Variants in RABGAP1L observed in about 807,000 individuals in gnomAD.
The protein encoded by RABGAP1L is RAB GTPase activating protein 1 like.
In RABGAP1L, 63 loss-of-function variants were observed where a neutral mutation model predicts 137.7. The ratio of observed to expected loss-of-function variants is 0.46; its 90% confidence interval spans 0.37 to 0.56. RABGAP1L has a LOEUF of 0.56. Among genes scored for constraint, RABGAP1L ranks in the 20% least tolerant of loss-of-function variants. The pLI is 0.00. For synonymous variants in RABGAP1L, 431 were observed against 433.7 expected, an observed-to-expected ratio of 0.99 and a Z score of 0.08; for missense variants, 1,095 against 1,244.0, an observed-to-expected ratio of 0.88 and a Z score of 1.80.
At chr1:174,600,032 A>G (rs1670293620) in intron 13 of RABGAP1L, among the ~76,000 whole-genome samples, 1 of 152,170 alleles carries the variant, frequency 6.6e-6, no homozygotes, top group African/African-American at 2.4e-5. Context: ...AATTGGACTT[A>G]CAGTTCGACA....
At chr1:174,898,671 G>A (rs1013553493) in intron 19 of RABGAP1L, among the ~76,000 whole-genome samples, 5 of 152,154 alleles carry the variant, frequency 3.3e-5, no homozygotes, top group Non-Finnish European at 7.4e-5. Flanking sequence ...GTTGGGCTTT[G>A]TGCTTTATAC....
chr1:174,805,794 G>A (rs1441854878), intron 18 of RABGAP1L, among the ~76,000 whole-genome samples: 2 of 152,142 alleles, frequency 1.3e-5, no homozygotes, highest in African/African-American at 2.4e-5. Context: ...AAGCCACTGC[G>A]CCCGGCCTAT....
chr1:174,386,803 G>A (rs567808125), intron 12 of RABGAP1L, among the ~76,000 whole-genome samples: 2 of 152,086 alleles, frequency 1.3e-5, no homozygotes, highest in African/African-American at 2.4e-5. Flanking sequence ...CACCGCACCG[G>A]CCTAGATTAG....
At chr1:174,820,844 C>T (rs1690943771) in intron 19 of RABGAP1L, among the ~76,000 whole-genome samples, 2 of 151,990 alleles carry the variant, frequency 1.3e-5, no homozygotes, top group East Asian at 1.9e-4. Flanking sequence ...TGGTGAAAAC[C>T]CGTATCTACT....
At chr1:174,694,662 G>A (rs1572835160) in intron 15 of RABGAP1L, among the ~76,000 whole-genome samples, 2 of 151,998 alleles carry the variant, frequency 1.3e-5, no homozygotes, top group African/African-American at 4.8e-5. Context: ...ATAAACATAC[G>A]TGTGTATGTG....
intron 17 of RABGAP1L, among the ~76,000 whole-genome samples, chr1:174,749,666 A>G (rs1684182830): frequency 6.6e-6 from 1 of 152,164 alleles, no homozygotes; most frequent in Non-Finnish European, 1.5e-5. Flanking sequence ...AGTTCTTATT[A>G]TGTATATGAA....
intron 4 of RABGAP1L, among the ~76,000 whole-genome samples, chr1:174,240,637 C>T (rs1418469307): frequency 1.3e-5 from 2 of 152,196 alleles, no homozygotes; most frequent in African/African-American, 2.4e-5. Flanking sequence ...TTGTTGAATT[C>T]ATCTTTGGAA....
At chr1:174,278,869 A>G in intron 10 of RABGAP1L, 90 bp downstream of exon 10, 1 of 1,088,692 alleles carries the variant, frequency 9.2e-7, no homozygotes, top group Admixed American at 2.8e-5. Context: ...CTGAAGTTGC[A>G]AAACAATACA....
intron 13 of RABGAP1L, among the ~76,000 whole-genome samples, chr1:174,442,757 T>C (rs183532641): frequency 2.1e-3 from 324 of 152,272 alleles, no homozygotes; most frequent in Non-Finnish European, 3.8e-3. Flanking sequence ...CTTCCAGTTA[T>C]TTTGTAATAT....
intron 19 of RABGAP1L, among the ~76,000 whole-genome samples, chr1:174,815,522 A>G: frequency 6.6e-6 from 1 of 152,258 alleles, no homozygotes; most frequent in South Asian, 2.1e-4. Flanking sequence ...CCATTTAATT[A>G]CCCCCCAAAA....
chr1:174,222,659 G>A (rs1669847679), intron 3 of RABGAP1L, among the ~76,000 whole-genome samples: 1 of 131,186 alleles, frequency 7.6e-6, no homozygotes, highest in African/African-American at 2.7e-5. Context: ...TTACCATCAA[G>A]ATATATTGAA....
intron 19 of RABGAP1L, among the ~76,000 whole-genome samples, chr1:174,842,714 C>T (rs1473667693): frequency 6.6e-6 from 1 of 152,142 alleles, no homozygotes; most frequent in Non-Finnish European, 1.5e-5. Context: ...CATAAGTTTG[C>T]TAAAATGGAT....
intron 14 of RABGAP1L, among the ~76,000 whole-genome samples, chr1:174,653,662 T>G (rs1162245892): frequency 6.6e-6 from 1 of 152,250 alleles, no homozygotes; most frequent in East Asian, 1.9e-4. Context: ...ATCACCCGCC[T>G]TCTGCGTTGA....
chr1:174,829,267 T>C (rs1027694127), intron 19 of RABGAP1L, among the ~76,000 whole-genome samples: 1 of 148,474 alleles, frequency 6.7e-6, no homozygotes, highest in Non-Finnish European at 1.5e-5. Context: ...ATACTTCTGG[T>C]AATAAACAGG....
chr1:174,942,688 A>G (rs1666095214), intron 19 of RABGAP1L, among the ~76,000 whole-genome samples: 1 of 152,234 alleles, frequency 6.6e-6, no homozygotes, highest in South Asian at 2.1e-4. Context: ...TGCCTGGCAC[A>G]TAGGAAGTGC....
intron 19 of RABGAP1L, among the ~76,000 whole-genome samples, chr1:174,930,180 A>T (rs1347855390): frequency 6.6e-6 from 1 of 151,768 alleles, no homozygotes. Flanking sequence ...TCCTTTAAAA[A>T]TTTTTATTTT....
At chr1:174,597,276 A>T (rs1010506555) in intron 13 of RABGAP1L, among the ~76,000 whole-genome samples, 1 of 152,200 alleles carries the variant, frequency 6.6e-6, no homozygotes, top group Non-Finnish European at 1.5e-5. Context: ...TTTTTGGAAT[A>T]GTTTGAATAG....
At chr1:174,553,916 G>A (rs997374960) in intron 13 of RABGAP1L, among the ~76,000 whole-genome samples, 1 of 152,134 alleles carries the variant, frequency 6.6e-6, no homozygotes, top group South Asian at 2.1e-4. Flanking sequence ...TTTGGGCCGG[G>A]GAGGTCGAAT....
At chr1:174,699,344 A>C (rs963699985) in intron 15 of RABGAP1L, among the ~76,000 whole-genome samples, 181 bp from the exon 16 acceptor site, 1 of 152,210 alleles carries the variant, frequency 6.6e-6, no homozygotes, top group Non-Finnish European at 1.5e-5. Flanking sequence ...AATTAACAAA[A>C]GAAGATAATT....
Sources: allele counts gnomAD v4.1 joint callset (sites outside exome capture counted in the v4.1 genomes callset), GRCh38; gene constraint gnomAD v4.1.1; transcripts MANE v1.5; gene names NCBI Gene and HGNC (gene_info 2026-07-23, HGNC 2026-07-21).